The following SNX29 variants were observed in gnomAD, a reference collection of about 807,000 sequenced individuals.
SNX29 encodes the protein sorting nexin-29.
Under a neutral mutation model 102.1 loss-of-function variants are expected in SNX29, and 78 were observed. That is an observed-to-expected ratio of 0.76 (90% CI 0.64 to 0.92). The LOEUF is 0.92. Among genes scored for constraint, SNX29 ranks in the 40% least tolerant of loss-of-function variants. The pLI is 0.00. For missense variants in SNX29, 1,280 were observed against 1,061.7 expected, an observed-to-expected ratio of 1.21 and a Z score of -2.86; for synonymous variants, 580 against 414.5, an observed-to-expected ratio of 1.40 and a Z score of -4.85.
intron 15 of SNX29, among the ~76,000 whole-genome samples, chr16:12,291,581 C>G (rs1176739013): frequency 1.3e-5 from 2 of 152,198 alleles, no homozygotes; most frequent in Admixed American, 1.3e-4. Context: ...CCCCTGGGCA[C>G]ATAGTTTTTC....
At chr16:12,317,615 C>G (rs1005033176) in intron 15 of SNX29, among the ~76,000 whole-genome samples, 11 of 152,234 alleles carry the variant, frequency 7.2e-5, no homozygotes, top group African/African-American at 2.7e-4. Context: ...CACTTCCTCA[C>G]CCTGTGAGCA....
rs2079117639 is a variant in SNX29, at chr16:12,568,707, C to G, written c.*78C>G. ...CCCAGCCACTGCCGCTGGCCCCTCACCTCAGCGTGACAACCACGTCCACCT... is the reference window on the plus strand; with the variant it reads ...CCCAGCCACTGCCGCTGGCCCCTCAGCTCAGCGTGACAACCACGTCCACCT... On this transcript the variant is annotated 3_prime_UTR_variant, in exon 21 of 21. Coordinates refer to ENST00000566228, the MANE Select transcript of SNX29 (RefSeq NM_032167.5). 6.4e-7 allele frequency: 1 copy of G among 1,552,492 alleles called. No homozygotes were observed. Among genetic ancestry groups the G allele is most frequent in the African/African-American group, 1.4e-5 (1 of 73,346 alleles).
At chr16:12,283,310 TG>T (rs1567395285) in intron 15 of SNX29, among the ~76,000 whole-genome samples, 2 of 150,638 alleles carry the variant, frequency 1.3e-5, no homozygotes, top group Admixed American at 6.6e-5. Context: ...TAGATGGAGT[TG>T]TTTTTTTTTT....
At chr16:12,423,784 C>T (rs946347281) in intron 18 of SNX29, among the ~76,000 whole-genome samples, 1 of 152,178 alleles carries the variant, frequency 6.6e-6, no homozygotes, top group African/African-American at 2.4e-5. Context: ...GTTGGCCAGG[C>T]TGGTCTTGAA....
chr16:12,149,483 CG>C (rs1294645232), intron 13 of SNX29, among the ~76,000 whole-genome samples: 2 of 152,072 alleles, frequency 1.3e-5, no homozygotes, highest in Non-Finnish European at 2.9e-5. Context: ...TTTTGTTACC[CG>C]GGGTCATGAG....
intron 20 of SNX29, among the ~76,000 whole-genome samples, chr16:12,551,941 A>C (rs1317213397): frequency 6.6e-6 from 1 of 152,190 alleles, no homozygotes. Context: ...GTGAGGATCC[A>C]GTGAGATTCC....
intron 16 of SNX29, among the ~76,000 whole-genome samples, chr16:12,373,348 T>G (rs2082757032): frequency 6.6e-6 from 1 of 152,144 alleles, no homozygotes; most frequent in South Asian, 2.1e-4. Context: ...CAGGCTGGTC[T>G]CAAACTCCTG....
chr16:12,550,754 TAGTTGAAAAAGTGTAGAGGCTGAA>T (rs2141343983), intron 20 of SNX29, among the ~76,000 whole-genome samples: 1 of 151,828 alleles, frequency 6.6e-6, no homozygotes, highest in South Asian at 2.1e-4. Context: ...GGTGATAAAA[TAGTTGAAAAAGTGTAGAGGCTGAA>T]TAGCTGAGAT....
chr16:12,350,404 A>G (rs184294057), intron 15 of SNX29, among the ~76,000 whole-genome samples: 2 of 152,344 alleles, frequency 1.3e-5, no homozygotes, highest in Admixed American at 1.3e-4. Context: ...GGAGGTGTGT[A>G]GGTTCTATTG....
intron 20 of SNX29, among the ~76,000 whole-genome samples, chr16:12,525,349 AAG>A (rs893294812): frequency 3.9e-5 from 6 of 152,152 alleles, no homozygotes; most frequent in African/African-American, 1.2e-4. Flanking sequence ...AAAAAATTAA[AAG>A]AGTTTACATA....
At chr16:12,283,698 A>G (rs979716370) in intron 15 of SNX29, among the ~76,000 whole-genome samples, 2 of 152,218 alleles carry the variant, frequency 1.3e-5, no homozygotes, top group Non-Finnish European at 2.9e-5. Flanking sequence ...CTAAGTTACA[A>G]AAATGAATGG....
chr16:12,510,538 T>C (rs968362432), intron 19 of SNX29, among the ~76,000 whole-genome samples: 2 of 152,048 alleles, frequency 1.3e-5, no homozygotes, highest in East Asian at 3.9e-4. Context: ...CTGGGCGTTA[T>C]GGCACCGGCC....
In SNX29 at chr16:12,564,958, C is replaced by G. The variant is rs189323714; in HGVS notation, c.2319-3548C>G. 7.4e-5 allele frequency among the ~76,000 whole-genome samples: 11 copies of G among 148,736 alleles called. No homozygotes were observed. In the East Asian group the frequency reaches 1.8e-3, roughly 24 times the overall value. The stretch of plus-strand genomic sequence containing the variant: ...TTAAAAAAAAAAAAAAAAAGGCTGT[C>G]ATTGTAAATGTGAGGCGTTTCAGCT... On this transcript the variant is annotated intron_variant, in intron 20 of 20. Transcript: ENST00000566228.
At chr16:12,425,300 G>T (rs931112028) in intron 18 of SNX29, among the ~76,000 whole-genome samples, 2 of 152,180 alleles carry the variant, frequency 1.3e-5, no homozygotes, top group African/African-American at 4.8e-5. Flanking sequence ...TGGCAACGTG[G>T]ATGTGGCGGG....
At chr16:12,097,802 G>A (rs73517861) in intron 11 of SNX29, among the ~76,000 whole-genome samples, 8,159 of 152,272 alleles carry the variant, frequency 0.054, 240 homozygotes, top group African/African-American at 0.07. Context: ...GGGATGAGAC[G>A]CGGTCAGACT....
intron 20 of SNX29, among the ~76,000 whole-genome samples, chr16:12,541,566 A>C (rs570768362): frequency 3.3e-5 from 5 of 152,166 alleles, no homozygotes; most frequent in African/African-American, 1.2e-4. Flanking sequence ...AAGCTGCCAA[A>C]TTGCTCTCCA....
At chr16:12,246,349 A>G (rs890013588) in intron 14 of SNX29, among the ~76,000 whole-genome samples, 7 of 152,100 alleles carry the variant, frequency 4.6e-5, no homozygotes, top group African/African-American at 1.7e-4. Flanking sequence ...ATGAAAAAAA[A>G]AGAAACATTG....
chr16:12,210,116 T>G (rs1466251818), intron 14 of SNX29, among the ~76,000 whole-genome samples: 1 of 152,232 alleles, frequency 6.6e-6, no homozygotes, highest in South Asian at 2.1e-4. Context: ...ATGTGGTTTA[T>G]GTGGGCCTGT....
chr16:12,527,570 C>A (rs1257117748), intron 20 of SNX29, among the ~76,000 whole-genome samples: 1 of 152,140 alleles, frequency 6.6e-6, no homozygotes, highest in Non-Finnish European at 1.5e-5. Flanking sequence ...TCACAGCACC[C>A]ATCTCATCTC....
Sources: gnomAD v4.1 joint callset for allele counts (sites outside exome capture counted in the v4.1 genomes callset) on GRCh38, gnomAD v4.1.1 for gene constraint, MANE v1.5 for transcripts, NCBI Gene and HGNC (gene_info 2026-07-23, HGNC 2026-07-21) for gene names.